VPS13B: variants seen among roughly 807,000 people sequenced by gnomAD.
VPS13B encodes intermembrane lipid transfer protein VPS13B.
In VPS13B, 285 loss-of-function variants were observed where a neutral mutation model predicts 426.4. That is an observed-to-expected ratio of 0.67 (90% CI 0.61 to 0.74). VPS13B has a LOEUF of 0.74. VPS13B is among the 30% of genes least tolerant of loss of function. The pLI is 0.00. For missense variants in VPS13B, 4,537 were observed against 4,782.6 expected (o/e 0.95, Z 1.51); for synonymous variants, 1,676 against 1,676.4 (o/e 1.00, Z 0.01).
chr8:99,823,654 G>A (rs1475991156), intron 50 of VPS13B, among the ~76,000 whole-genome samples, 178 bp from the exon 51 acceptor site: 1 of 152,328 alleles, frequency 6.6e-6, no homozygotes, highest in East Asian at 1.9e-4. Context: ...AATACTGACA[G>A]GGGCCAGAAC....
chr8:99,488,140 G>A (rs1210071947), intron 25 of VPS13B, among the ~76,000 whole-genome samples: 7 of 152,088 alleles, frequency 4.6e-5, no homozygotes, highest in Admixed American at 4.6e-4. Context: ...TTTATTCGGT[G>A]CTGATTTTCT....
chr8:99,029,154 A>G (rs1375149003), intron 2 of VPS13B, among the ~76,000 whole-genome samples: 2 of 145,270 alleles, frequency 1.4e-5, no homozygotes, highest in Non-Finnish European at 3.0e-5. Flanking sequence ...GGCGGGGCAG[A>G]GGTGCTCCCC....
At chr8:99,362,009 C>T (rs1405329182) in intron 19 of VPS13B, among the ~76,000 whole-genome samples, 1 of 152,168 alleles carries the variant, frequency 6.6e-6, no homozygotes, top group African/African-American at 2.4e-5. Context: ...TATGGGCACA[C>T]ACCTTTGACT....
At chr8:99,440,290 A>G (rs935399754) in intron 22 of VPS13B, among the ~76,000 whole-genome samples, 1 of 152,092 alleles carries the variant, frequency 6.6e-6, no homozygotes, top group African/African-American at 2.4e-5. Flanking sequence ...GAGGGTCCCA[A>G]CCAGATGGTT....
At chr8:99,500,598 C>T (rs950134569) in intron 25 of VPS13B, among the ~76,000 whole-genome samples, 3 of 152,054 alleles carry the variant, frequency 2.0e-5, no homozygotes, top group African/African-American at 7.2e-5. Flanking sequence ...ATACTGCCTG[C>T]CAGACTAAGC....
At chr8:99,131,883 T>C (rs1460827115) in intron 8 of VPS13B, among the ~76,000 whole-genome samples, 2 of 152,104 alleles carry the variant, frequency 1.3e-5, no homozygotes, top group African/African-American at 4.8e-5. Context: ...GCTGTTTGAC[T>C]GAATTTTACT....
At chr8:99,314,074 C>T (rs1322684843) in intron 19 of VPS13B, among the ~76,000 whole-genome samples, 2 of 152,020 alleles carry the variant, frequency 1.3e-5, no homozygotes, top group African/African-American at 4.8e-5. Context: ...GTCACATGTT[C>T]CTTTGGGTAG....
chr8:99,448,391 A>G (rs1818032473), intron 23 of VPS13B, among the ~76,000 whole-genome samples: 1 of 152,134 alleles, frequency 6.6e-6, no homozygotes. Context: ...TTATTTCAAG[A>G]TATTTAAATT....
chr8:99,736,033 A>G (rs561864989), intron 39 of VPS13B, among the ~76,000 whole-genome samples: 1 of 152,354 alleles, frequency 6.6e-6, no homozygotes, highest in South Asian at 2.1e-4. Flanking sequence ...CCATAGCAGT[A>G]GAGTAATGGT....
intron 16 of VPS13B, among the ~76,000 whole-genome samples, chr8:99,176,932 G>A (rs1280753449): frequency 2.6e-5 from 4 of 152,134 alleles, no homozygotes; most frequent in Non-Finnish European, 2.9e-5. Flanking sequence ...CAAGAGAACA[G>A]GAGAAGTACT....
intron 17 of VPS13B, among the ~76,000 whole-genome samples, chr8:99,228,779 A>G (rs764125867): frequency 1.3e-5 from 2 of 152,142 alleles, no homozygotes; most frequent in South Asian, 2.1e-4. Flanking sequence ...AGGGAAACAG[A>G]TATATAAGCA....
At position 99,135,155 on chromosome 8, in the gene VPS13B, A is replaced by G. The variant is rs889502184; in HGVS notation, c.1425+18A>G. On this transcript the variant is annotated intron_variant, in intron 10 of 61. Transcript: ENST00000357162. ...GTGAAACTGTAAGTCCGTTTCCTCCATCCTTTTTTGGATAGGATATAGGAA... is the reference window on the plus strand; with the variant it reads ...GTGAAACTGTAAGTCCGTTTCCTCCGTCCTTTTTTGGATAGGATATAGGAA... 1.2e-6 allele frequency: 2 copies of G among 1,612,780 alleles called. No individual in the cohort carries two copies. Among genetic ancestry groups the G allele is most frequent in the Non-Finnish European group, 1.7e-6 (2 of 1,179,034 alleles).
At chr8:99,844,607 C>A (rs1239430466) in intron 54 of VPS13B, among the ~76,000 whole-genome samples, 2 of 151,978 alleles carry the variant, frequency 1.3e-5, no homozygotes, top group Non-Finnish European at 2.9e-5. Context: ...TGATCTCAGG[C>A]AATCCGCCCG....
chr8:99,753,718 G>A (rs146553259), intron 39 of VPS13B, among the ~76,000 whole-genome samples: 2 of 152,238 alleles, frequency 1.3e-5, no homozygotes, highest in African/African-American at 4.8e-5. Flanking sequence ...ATAAAAGAAC[G>A]TTACACATTT....
At chr8:99,422,083 C>CA (rs1229745635) in intron 21 of VPS13B, among the ~76,000 whole-genome samples, 2 of 152,148 alleles carry the variant, frequency 1.3e-5, no homozygotes, top group Admixed American at 6.6e-5. Flanking sequence ...TGAAGCTTGA[C>CA]AGAGTTTTAT....
chr8:99,257,840 CCTT>C (rs1466570288), intron 17 of VPS13B, among the ~76,000 whole-genome samples: 1 of 151,426 alleles, frequency 6.6e-6, no homozygotes, highest in Non-Finnish European at 1.5e-5. Flanking sequence ...GTTTCTCTCT[CCTT>C]CTTTCCCTCT....
chr8:99,829,063 T>C (rs1814893009), intron 51 of VPS13B, among the ~76,000 whole-genome samples: 1 of 152,214 alleles, frequency 6.6e-6, no homozygotes. Context: ...TTGGTGAATC[T>C]GACGATTAAG....
At chr8:99,751,917 G>C (rs1810415583) in intron 39 of VPS13B, among the ~76,000 whole-genome samples, 1 of 152,186 alleles carries the variant, frequency 6.6e-6, no homozygotes, top group South Asian at 2.1e-4. Flanking sequence ...CACACACAGG[G>C]AGTTGTATTA....
chr8:99,293,009 C>T (rs1168347218), intron 19 of VPS13B, among the ~76,000 whole-genome samples: 2 of 152,068 alleles, frequency 1.3e-5, no homozygotes, highest in African/African-American at 4.8e-5. Context: ...TAGTTTGTTA[C>T]TAGAGAAGTT....
Sources: gnomAD v4.1 joint callset for allele counts (sites outside exome capture counted in the v4.1 genomes callset) on GRCh38, gnomAD v4.1.1 for gene constraint, MANE v1.5 for transcripts, NCBI Gene and HGNC (gene_info 2026-07-23, HGNC 2026-07-21) for gene names.